Variants in TBPL1 observed in about 807,000 individuals in gnomAD.
TBPL1 encodes TATA-box binding protein like 1, also known as TATA box-binding protein-like 1.
A neutral mutation model predicts 22.1 loss-of-function variants in TBPL1; 4 were observed. The observed-to-expected ratio is 0.18, with a 90% CI of 0.09 to 0.41. TBPL1 has a LOEUF of 0.41. Ranked by LOEUF, TBPL1 falls within the 10% of genes least tolerant of loss-of-function variation. TBPL1 has a pLI of 1.00. For missense variants in TBPL1, 115 were observed against 222.3 expected (o/e 0.52, Z 3.07); for synonymous variants, 64 against 71.0 (o/e 0.90, Z 0.50).
In TBPL1 at chr6:133,987,780, T is replaced by C. The variant is rs1776559691; in HGVS notation, c.*740T>C. 1 of 152,446 alleles carries C rather than the reference T, an allele frequency of 6.6e-6. No individual in the cohort carries two copies. The highest frequency in any genetic ancestry group is 6.6e-5 in the Admixed American group (1 of 15,236). 9.4% of individuals were successfully genotyped at this position (152,446 alleles called of 1,614,324 possible). On this transcript the variant is annotated 3_prime_UTR_variant, in exon 7 of 7. Transcript: ENST00000237264. ...GTATATAAACTCTAGGGAACCAGAC[T>C]AGAAGTTTATAGATAAAGGATAATG...
chr6:133,985,297 AATATATATATATATATATATATATAT>A (rs3068194), intron 6 of TBPL1, among the ~76,000 whole-genome samples: 17 of 42,906 alleles, frequency 4.0e-4, no homozygotes, highest in South Asian at 2.1e-3. Flanking sequence ...AAAAAAAAAA[AATATATATATATATATATATATATAT>A]ATATATATAT....
chr6:133,972,308 A>T (rs1776237098), intron 1 of TBPL1, among the ~76,000 whole-genome samples: 1 of 152,186 alleles, frequency 6.6e-6, no homozygotes, highest in African/African-American at 2.4e-5. Flanking sequence ...CACTCAAATC[A>T]CTCAAATTTC....
intron 1 of TBPL1, among the ~76,000 whole-genome samples, chr6:133,961,078 A>G (rs1266237027): frequency 6.6e-6 from 1 of 152,178 alleles, no homozygotes; most frequent in Non-Finnish European, 1.5e-5. Flanking sequence ...AAGTGAAGTA[A>G]GGGAAGAGTT....
chr6:133,964,918 C>T (rs1268258724), intron 1 of TBPL1, among the ~76,000 whole-genome samples: 1 of 152,098 alleles, frequency 6.6e-6, no homozygotes, highest in African/African-American at 2.4e-5. Context: ...AAGTTTCACC[C>T]GTTGTATTTT....
chr6:133,960,418 C>CT lies in TBPL1; in HGVS notation c.-45+7011dup, dbSNP rs765884620. Among the ~76,000 whole-genome samples, 1,101 of 131,552 alleles carry CT rather than the reference C, an allele frequency of 8.4e-3. 6 individuals are homozygous for CT. Among genetic ancestry groups the CT allele is most frequent in the East Asian group, 0.017 (77 of 4,548 alleles). The allele number at this position is 131,552 out of a possible 152,430, so 86.3% of individuals were successfully genotyped here. A position where few individuals can be genotyped will look rare whatever the true frequency, so the allele number is the denominator to read the frequency against. ...CAGAGAAAGCCTTTGGCTGACCAGC[C>CT]TTTTTTTTTTTTTTTTTTAATTTTA... On this transcript the variant is annotated intron_variant, in intron 1 of 6. Coordinates refer to ENST00000237264, the MANE Select transcript of TBPL1 (RefSeq NM_004865.4).
Position 133,987,648 on chromosome 6 carries a change from G to GTGTGTGTGTATATATATATATATA in TBPL1, c.*609_*610insGTGTGTGTATATATATATATATAT, listed in dbSNP as rs200249148. The GTGTGTGTGTATATATATATATATA allele has an allele frequency of 1.1e-5, 1 of 88,320 alleles. No homozygotes were observed. Among genetic ancestry groups the GTGTGTGTGTATATATATATATATA allele is most frequent in the Non-Finnish European group, 2.8e-5 (1 of 35,238 alleles). 5.5% of individuals were successfully genotyped at this position (88,320 alleles called of 1,614,324 possible). ...TTTGTGTGTGTGTGTGTGTGTGTGT[G>GTGTGTGTGTATATATATATATATA]TATATATATATATATATATGCACCA... is the stretch of plus-strand genomic sequence containing the variant. On this transcript the variant is annotated 3_prime_UTR_variant, in exon 7 of 7. Transcript: ENST00000237264.
intron 6 of TBPL1, chr6:133,985,863 CTGTT>C (rs1279550346): frequency 6.6e-6 from 1 of 152,254 alleles, no homozygotes; most frequent in Middle Eastern, 3.4e-3. Flanking sequence ...GGAGACGAGT[CTGTT>C]TGTTCCCTTC....
chr6:133,980,595 G>A (rs1776391675), intron 2 of TBPL1, among the ~76,000 whole-genome samples: 1 of 151,680 alleles, frequency 6.6e-6, no homozygotes, highest in Admixed American at 6.6e-5. Flanking sequence ...TTTGAATGAT[G>A]CCTTAATATA....
chr6:133,983,058 G>T (rs1776444558), intron 4 of TBPL1, among the ~76,000 whole-genome samples, 178 bp downstream of exon 4: 1 of 152,174 alleles, frequency 6.6e-6, no homozygotes, highest in Admixed American at 6.5e-5. Context: ...GGCTATGTGG[G>T]TATTTGTAAA....
chr6:133,972,398 A>T (rs1051704787), intron 1 of TBPL1, among the ~76,000 whole-genome samples: 1 of 152,244 alleles, frequency 6.6e-6, no homozygotes, highest in Non-Finnish European at 1.5e-5. Flanking sequence ...TGTCATTTTA[A>T]TTAAAAATAA....
At chr6:133,974,045 G>A (rs1776270728) in intron 1 of TBPL1, among the ~76,000 whole-genome samples, 1 of 147,026 alleles carries the variant, frequency 6.8e-6, no homozygotes, top group Admixed American at 6.8e-5. Context: ...CCAATTCTCT[G>A]AATAGAACAG....
Position 133,989,994 on chromosome 6 carries a change from A to G in TBPL1, c.*2954A>G, listed in dbSNP as rs531600307. ...TTCAAGATTTGATTGTGGATTTTCT[A>G]TCATACCCAAATTTTATTAGTAAGA... On this transcript the variant is annotated 3_prime_UTR_variant, in exon 7 of 7. Transcript: ENST00000237264. 6.6e-6 allele frequency: 1 copy of G among 152,464 alleles called. No individual in the cohort carries two copies. Among genetic ancestry groups the G allele is most frequent in the South Asian group, 2.1e-4 (1 of 4,828 alleles). 9.4% of individuals were successfully genotyped at this position (152,464 alleles called of 1,614,324 possible).
intron 1 of TBPL1, among the ~76,000 whole-genome samples, chr6:133,964,587 C>T (rs1466842667): frequency 1.3e-5 from 2 of 150,978 alleles, no homozygotes; most frequent in Non-Finnish European, 3.0e-5. Context: ...GTAGCTGGGA[C>T]TACAGGTGCC....
intron 1 of TBPL1, among the ~76,000 whole-genome samples, chr6:133,970,527 T>C (rs1229295962): frequency 1.3e-5 from 2 of 152,156 alleles, no homozygotes; most frequent in Non-Finnish European, 2.9e-5. Flanking sequence ...GAAATTATTA[T>C]GGAAACTTTT....
rs1776537211 is a variant in TBPL1, at chr6:133,986,943, C to T, written c.482-18C>T. 5 of 1,575,990 alleles carry T rather than the reference C, an allele frequency of 3.2e-6. No individual in the cohort carries two copies. Among genetic ancestry groups the T allele is most frequent in the Middle Eastern group, 1.7e-4 (1 of 5,946 alleles). On this transcript the variant is annotated intron_variant, in intron 6 of 6. Transcript: ENST00000237264. The stretch of plus-strand genomic sequence containing the variant: ...TTTCCAACTCTTCTCACTCCTTCCT[C>T]CATTGTGTTTATTACAGGGCCCAAT...
intron 1 of TBPL1, among the ~76,000 whole-genome samples, chr6:133,964,402 A>T (rs2114337164): frequency 6.6e-6 from 1 of 150,780 alleles, no homozygotes; most frequent in Admixed American, 6.6e-5. Context: ...TAAACCAGAA[A>T]TGTTTGAACT....
intron 1 of TBPL1, among the ~76,000 whole-genome samples, chr6:133,965,183 A>G (rs1023389301): frequency 2.6e-5 from 4 of 152,226 alleles, no homozygotes; most frequent in African/African-American, 4.8e-5. Flanking sequence ...TTTAATGGCT[A>G]AATTAGTCTT....
intron 4 of TBPL1, 51 bp from the exon 5 acceptor site, chr6:133,984,325 T>G (rs752917841): frequency 1.3e-5 from 18 of 1,408,876 alleles, no homozygotes; most frequent in Non-Finnish European, 1.8e-5. Flanking sequence ...AGCAGATTTT[T>G]TGTTTGTTTG....
chr6:133,986,884 A>T, intron 6 of TBPL1, 77 bp from the exon 7 acceptor site: 2 of 1,004,090 alleles, frequency 2.0e-6, no homozygotes, highest in Non-Finnish European at 2.9e-6. Flanking sequence ...GAATATTTTT[A>T]ATTCTGGAAA....
Sources: gnomAD v4.1 joint callset for allele counts (sites outside exome capture counted in the v4.1 genomes callset) on GRCh38, gnomAD v4.1.1 for gene constraint, MANE v1.5 for transcripts, NCBI Gene and HGNC (gene_info 2026-07-23, HGNC 2026-07-21) for gene names.